Variants in AAMDC observed in about 807,000 individuals in gnomAD.
The protein encoded by AAMDC is adipogenesis associated Mth938 domain containing, also known as mth938 domain-containing protein.
A neutral mutation model predicts 15.5 loss-of-function variants in AAMDC; 16 were observed. The observed-to-expected ratio is 1.03, with a 90% CI of 0.70 to 1.57. The LOEUF (loss-of-function observed/expected upper bound fraction) is 1.57, where lower values mean the gene tolerates loss of function less well. AAMDC is among the 40% of genes most tolerant of loss of function. The pLI is 0.00. For synonymous variants in AAMDC, 51 were observed against 51.6 expected (o/e 0.99, Z 0.05); for missense variants, 141 against 144.9 (o/e 0.97, Z 0.14).
chr11:77,858,507 T>C (rs1030706774), intron 2 of AAMDC, among the ~76,000 whole-genome samples: 4 of 151,848 alleles, frequency 2.6e-5, no homozygotes, highest in Non-Finnish European at 1.5e-5. Flanking sequence ...TGCTACCTGA[T>C]TGGTTGGGTG....
chr11:77,839,847 G>A (rs1949850977), intron 1 of AAMDC, among the ~76,000 whole-genome samples: 1 of 152,132 alleles, frequency 6.6e-6, no homozygotes, highest in Admixed American at 6.5e-5. Context: ...GAGAGCATCA[G>A]GATAAATAGC....
chr11:77,844,655 C>T (rs1950069648), intron 2 of AAMDC, among the ~76,000 whole-genome samples: 1 of 152,154 alleles, frequency 6.6e-6, no homozygotes, highest in South Asian at 2.1e-4. Context: ...AGCCATCATG[C>T]CCAGCCAGAT....
At chr11:77,825,893 C>T (rs1460328193) in intron 1 of AAMDC, among the ~76,000 whole-genome samples, 9 of 151,940 alleles carry the variant, frequency 5.9e-5, no homozygotes, top group African/African-American at 2.2e-4. Flanking sequence ...GGTTTCACTA[C>T]GTTGGCCAGG....
At chr11:77,842,761 C>T (rs185870318) in intron 2 of AAMDC, 133 bp downstream of exon 2, 26 of 1,271,612 alleles carry the variant, frequency 2.0e-5, no homozygotes, top group Admixed American at 1.1e-4. Flanking sequence ...CCATTAAATT[C>T]ACCCTTTTAA....
At chr11:77,900,940 A>T (rs1166054853), downstream of AAMDC, among the ~76,000 whole-genome samples, 1 of 152,200 alleles carries the variant, frequency 6.6e-6, no homozygotes, top group African/African-American at 2.4e-5. Flanking sequence ...TTGTACAGGG[A>T]AACAAGGTAC....
At chr11:77,898,460 C>A (rs1591028024) in intron 5 of AAMDC, among the ~76,000 whole-genome samples, 1 of 152,314 alleles carries the variant, frequency 6.6e-6, no homozygotes, top group South Asian at 2.1e-4. Flanking sequence ...CTGCGCCCGG[C>A]CAACTGGCCC....
chr11:77,859,824 C>T (rs1950800067), intron 2 of AAMDC, among the ~76,000 whole-genome samples: 1 of 152,192 alleles, frequency 6.6e-6, no homozygotes, highest in Non-Finnish European at 1.5e-5. Flanking sequence ...TTAAGAGTTG[C>T]ACAAGTGCAC....
chr11:77,876,881 A>G, downstream of AAMDC: 6 of 673,472 alleles, frequency 8.9e-6, no homozygotes, highest in South Asian at 9.5e-5. Context: ...TTCTTCCCTT[A>G]GAAGGTTTTC....
At chr11:77,850,968 T>C (rs1442200306) in intron 2 of AAMDC, 1 of 149,682 alleles carries the variant, frequency 6.7e-6, no homozygotes, top group Admixed American at 6.7e-5. Flanking sequence ...TTTTTTTTTT[T>C]TTTTTGAGAT....
downstream of AAMDC, chr11:77,903,469 T>A: frequency 6.2e-7 from 1 of 1,601,308 alleles, no homozygotes; most frequent in Non-Finnish European, 8.5e-7. Context: ...TAGGAAGGCC[T>A]CTGGCTCTGT....
intron 5 of AAMDC, among the ~76,000 whole-genome samples, chr11:77,892,933 G>A (rs573701231): frequency 2.3e-4 from 35 of 152,322 alleles, no homozygotes; most frequent in Admixed American, 3.3e-4. Flanking sequence ...TTGCTAGAGA[G>A]TATTACCTGC....
At chr11:77,885,347 G>A (rs1434784875) in intron 5 of AAMDC, among the ~76,000 whole-genome samples, 1 of 152,026 alleles carries the variant, frequency 6.6e-6, no homozygotes, top group Non-Finnish European at 1.5e-5. Context: ...AAAGTGTTGG[G>A]ATTACAGGCG....
intron 5 of AAMDC, among the ~76,000 whole-genome samples, chr11:77,889,397 G>T (rs1952163231): frequency 6.7e-6 from 1 of 150,350 alleles, no homozygotes; most frequent in African/African-American, 2.5e-5. Context: ...GGACTGTTGT[G>T]GGGTAGGGGG....
intron 2 of AAMDC, among the ~76,000 whole-genome samples, chr11:77,843,388 A>C (rs1950015100): frequency 6.6e-6 from 1 of 152,170 alleles, no homozygotes. Context: ...ATGTAGCCTC[A>C]ACAACAGAAA....
At chr11:77,827,167 GA>G (rs1275295844) in intron 1 of AAMDC, among the ~76,000 whole-genome samples, 3 of 151,392 alleles carry the variant, frequency 2.0e-5, no homozygotes, top group African/African-American at 4.8e-5. Flanking sequence ...CCTCAGAAAA[GA>G]AAAAAAGCTC....
chr11:77,841,952 C>T (rs190496053), intron 1 of AAMDC, among the ~76,000 whole-genome samples: 1 of 152,292 alleles, frequency 6.6e-6, no homozygotes, highest in Non-Finnish European at 1.5e-5. Context: ...CATGTTCTGC[C>T]CCAACCTACT....
chr11:77,860,157 G>A (rs1013770024), intron 2 of AAMDC, among the ~76,000 whole-genome samples: 10 of 152,306 alleles, frequency 6.6e-5, no homozygotes, highest in South Asian at 4.1e-4. Flanking sequence ...GTCTTGCCCC[G>A]TTGGCAAGCT....
At chr11:77,844,388 A>C (rs1950056880) in intron 2 of AAMDC, among the ~76,000 whole-genome samples, 1 of 151,926 alleles carries the variant, frequency 6.6e-6, no homozygotes, top group East Asian at 1.9e-4. Context: ...TTTTGGAGAC[A>C]GTCTCCCTCT....
intron 5 of AAMDC, among the ~76,000 whole-genome samples, chr11:77,895,415 T>C (rs989011933): frequency 6.0e-5 from 9 of 150,638 alleles, no homozygotes; most frequent in Non-Finnish European, 1.2e-4. Flanking sequence ...ATATATTTCC[T>C]AGCACAGGCA....
Sources: gnomAD v4.1 joint callset for allele counts (sites outside exome capture counted in the v4.1 genomes callset) on GRCh38, gnomAD v4.1.1 for gene constraint, MANE v1.5 for transcripts, NCBI Gene and HGNC (gene_info 2026-07-23, HGNC 2026-07-21) for gene names.